PCDHA8: variants seen among roughly 807,000 people sequenced by gnomAD.
The protein encoded by PCDHA8 is protocadherin alpha-8.
In PCDHA8, 53 loss-of-function variants were observed where a neutral mutation model predicts 61.8. The observed-to-expected ratio is 0.86, with a 90% CI of 0.69 to 1.08. The LOEUF is 1.08. PCDHA8 is among the 50% of genes least tolerant of loss of function. The pLI is 0.00. For missense variants in PCDHA8, 1,293 were observed against 1,245.0 expected (o/e 1.04, Z -0.58); for synonymous variants, 618 against 556.6 (o/e 1.11, Z -1.55).
At chr5:140,885,832 T>C (rs888778134) in intron 1 of PCDHA8, among the ~76,000 whole-genome samples, 1 of 152,244 alleles carries the variant, frequency 6.6e-6, no homozygotes, top group South Asian at 2.1e-4. Flanking sequence ...TTCTTTGATT[T>C]ATCCATTAAG....
At chr5:140,913,414 C>T (rs1451385869) in intron 1 of PCDHA8, among the ~76,000 whole-genome samples, 3 of 152,102 alleles carry the variant, frequency 2.0e-5, no homozygotes, top group African/African-American at 7.2e-5. Context: ...TGAATTCCTG[C>T]AGTATCAGTT....
intron 1 of PCDHA8, among the ~76,000 whole-genome samples, chr5:140,950,272 C>G (rs928839890): frequency 2.0e-5 from 3 of 151,950 alleles, no homozygotes; most frequent in Non-Finnish European, 4.4e-5. Flanking sequence ...TCCATAATGT[C>G]TTTTTGCTTC....
At chr5:140,927,481 G>C in intron 1 of PCDHA8, 2 of 1,614,072 alleles carry the variant, frequency 1.2e-6, no homozygotes, top group Non-Finnish European at 1.7e-6. Context: ...CGAACAGCGC[G>C]CCACCCACCT....
chr5:140,973,653 A>G (rs2096597249), intron 1 of PCDHA8, among the ~76,000 whole-genome samples: 1 of 152,202 alleles, frequency 6.6e-6, no homozygotes, highest in African/African-American at 2.4e-5. Context: ...TGAAGAAGAA[A>G]TCTATTTATT....
chr5:140,993,786 C>G (rs2097581960), intron 3 of PCDHA8, among the ~76,000 whole-genome samples: 1 of 152,162 alleles, frequency 6.6e-6, no homozygotes, highest in Admixed American at 6.5e-5. Flanking sequence ...TGTACAGTAA[C>G]ATGCTGTGCA....
At position 140,928,478 on chromosome 5, in the gene PCDHA8, A is replaced by T. The variant is rs1554205922; in HGVS notation, c.2395-50471A>T. Reference sequence around the variant, plus strand: ...TTTCATTTCCAAGTAGAAGGCCGGGATGGTGGCATTCCTCCCAGAAGTGCA... The same window carrying T: ...TTTCATTTCCAAGTAGAAGGCCGGGTTGGTGGCATTCCTCCCAGAAGTGCA... On this transcript the variant is annotated intron_variant, in intron 1 of 3. Coordinates refer to ENST00000531613, the MANE Select transcript of PCDHA8 (RefSeq NM_018911.3). 2.5e-5 allele frequency: 40 copies of T among 1,614,132 alleles called. No individual in the cohort carries two copies. The highest frequency in any genetic ancestry group is 3.3e-5 in the Non-Finnish European group (39 of 1,180,008).
At chr5:140,907,857 G>C (rs1554193158) in intron 1 of PCDHA8, among the ~76,000 whole-genome samples, 1 of 152,210 alleles carries the variant, frequency 6.6e-6, no homozygotes, top group Non-Finnish European at 1.5e-5. Flanking sequence ...CTCTGCTGAG[G>C]CCAGCCGTTG....
At chr5:140,909,850 C>T (rs181576128) in intron 1 of PCDHA8, among the ~76,000 whole-genome samples, 30 of 152,294 alleles carry the variant, frequency 2.0e-4, no homozygotes, top group Admixed American at 5.9e-4. Flanking sequence ...AGGACGTTTT[C>T]GGTCCCCTGG....
At chr5:140,896,226 T>G (rs1554186874) in intron 1 of PCDHA8, among the ~76,000 whole-genome samples, 1 of 152,242 alleles carries the variant, frequency 6.6e-6, no homozygotes, top group African/African-American at 2.4e-5. Flanking sequence ...GTCTTTATAG[T>G]AGAATGACTT....
intron 1 of PCDHA8, chr5:140,881,249 A>G (rs1582554645): frequency 2.3e-6 from 1 of 434,858 alleles, no homozygotes; most frequent in Non-Finnish European, 3.1e-6. Context: ...AATGACGGCA[A>G]GGTTTTACTC....
chr5:140,964,579 G>A (rs2095841483), intron 1 of PCDHA8, among the ~76,000 whole-genome samples: 1 of 152,090 alleles, frequency 6.6e-6, no homozygotes, highest in Non-Finnish European at 1.5e-5. Flanking sequence ...ATAAGGGGAG[G>A]AAAGATCACT....
At position 141,011,529 on chromosome 5, in the gene PCDHA8, G is replaced by A. The variant is rs2098420955; in HGVS notation, c.*1592G>A. On this transcript the variant is annotated 3_prime_UTR_variant, in exon 4 of 4. Coordinates refer to ENST00000531613, the MANE Select transcript of PCDHA8 (RefSeq NM_018911.3). ...GTGGAGTAGTGTTTTTTTAACCATT[G>A]TTAATCAGCTTTTGTGTATGAAAGA... 1.3e-5 allele frequency: 2 copies of A among 153,538 alleles called. No homozygotes were observed. The highest frequency in any genetic ancestry group is 3.9e-4 in the East Asian group (2 of 5,188). The allele number at this position is 153,538 out of a possible 1,614,324, so 9.5% of individuals were successfully genotyped here.
At chr5:140,867,346 ATGAT>A (rs1302874220) in intron 1 of PCDHA8, 5 of 152,256 alleles carry the variant, frequency 3.3e-5, no homozygotes, top group East Asian at 1.9e-4. Context: ...AGAGGCTACT[ATGAT>A]TGATTATTTT....
At chr5:140,962,104 C>T (rs1387807188) in intron 1 of PCDHA8, among the ~76,000 whole-genome samples, 1 of 152,056 alleles carries the variant, frequency 6.6e-6, no homozygotes, top group Non-Finnish European at 1.5e-5. Context: ...CCAGGATGGT[C>T]TCGATCTCCT....
Position 140,851,002 on chromosome 5 carries a change from A to T in PCDHA8, c.2394+7287A>T. The stretch of plus-strand genomic sequence containing the variant: ...TTATTCATTTTTCTAGAAATCCAGC[A>T]GATTTTTTTTCTGATAAAGTAAACC... On this transcript the variant is annotated intron_variant, in intron 1 of 3. Coordinates refer to ENST00000531613, the MANE Select transcript of PCDHA8 (RefSeq NM_018911.3). 3 of 1,438,338 alleles carry T rather than the reference A, an allele frequency of 2.1e-6. No homozygotes were observed. In the East Asian group the frequency reaches 7.2e-5, roughly 35 times the overall value. 89.1% of individuals were successfully genotyped at this position (1,438,338 alleles called of 1,614,324 possible).
Position 140,841,624 on chromosome 5 carries a change from G to C in PCDHA8, c.303G>C (p.Glu101Asp). 1 of 1,614,152 alleles carries C rather than the reference G, an allele frequency of 6.2e-7. No individual in the cohort carries two copies. The highest frequency in any genetic ancestry group is 8.5e-7 in the Non-Finnish European group (1 of 1,180,020). The change falls in exon 1 of 4, where the codon GAG (glutamate) becomes GAC (aspartate). Residue 101 changes from glutamate to aspartate, a missense_variant. Transcript: ENST00000531613. ...DREELCGRSA[E>D]CSIHLEVIVD... ...AGGAGCTGTGCGGGCGGAGCGCGGA[G>C]TGCAGCATCCACCTGGAGGTGATCG...
intron 1 of PCDHA8, among the ~76,000 whole-genome samples, chr5:140,970,397 T>C (rs2096402198): frequency 6.6e-6 from 1 of 152,218 alleles, no homozygotes; most frequent in Non-Finnish European, 1.5e-5. Flanking sequence ...GGAAAGTGGA[T>C]GGCTTACCCT....
chr5:140,873,706 G>T (rs1419666886), intron 1 of PCDHA8, among the ~76,000 whole-genome samples: 1 of 152,132 alleles, frequency 6.6e-6, no homozygotes, highest in Non-Finnish European at 1.5e-5. Context: ...TATCACCCAG[G>T]CTGGTGTGCA....
intron 1 of PCDHA8, among the ~76,000 whole-genome samples, chr5:140,965,466 A>C (rs1364686627): frequency 2.6e-5 from 4 of 152,002 alleles, no homozygotes; most frequent in Non-Finnish European, 4.4e-5. Flanking sequence ...GATAAATCCC[A>C]GACTCCCACA....
Sources: allele counts gnomAD v4.1 joint callset (sites outside exome capture counted in the v4.1 genomes callset), GRCh38; gene constraint gnomAD v4.1.1; transcripts MANE v1.5; gene names NCBI Gene and HGNC (gene_info 2026-07-23, HGNC 2026-07-21).